DENND2A: variants seen among roughly 807,000 people sequenced by gnomAD.
DENND2A encodes DENN domain-containing protein 2A.
In DENND2A, 53 loss-of-function variants were observed where a neutral mutation model predicts 105.3. The ratio of observed to expected loss-of-function variants is 0.50; its 90% confidence interval spans 0.40 to 0.63. DENND2A has a LOEUF of 0.63. Ranked by LOEUF, DENND2A falls within the 30% of genes least tolerant of loss-of-function variation. The probability of loss-of-function intolerance (pLI) is 0.00; values close to 1 mark genes in which losing one functional copy is unlikely to be tolerated. For missense variants in DENND2A, 1,138 were observed against 1,279.6 expected (o/e 0.89, Z 1.69); for synonymous variants, 522 against 508.4 (o/e 1.03, Z -0.36).
chr7:140,627,932 C>T (rs1338553936), intron 1 of DENND2A, among the ~76,000 whole-genome samples: 1 of 151,960 alleles, frequency 6.6e-6, no homozygotes, highest in Non-Finnish European at 1.5e-5. Flanking sequence ...GCTGGAACTA[C>T]AGGCGTGTAC....
chr7:140,534,328 C>T lies in DENND2A; in HGVS notation c.2328-6833G>A, dbSNP rs566234826. On this transcript the variant is annotated intron_variant, in intron 14 of 19. Transcript: ENST00000496613. ...TCTAACTCTTGACCTCATGATCTGCCCACCTTGGCCTCCCAAAGTGCTGGG... is the reference window on the plus strand; with the variant it reads ...TCTAACTCTTGACCTCATGATCTGCTCACCTTGGCCTCCCAAAGTGCTGGG... 4.6e-5 allele frequency among the ~76,000 whole-genome samples: 7 copies of T among 152,090 alleles called. No homozygotes were observed. In the South Asian group the frequency reaches 1.0e-3, roughly 23 times the overall value.
intron 3 of DENND2A, among the ~76,000 whole-genome samples, chr7:140,599,525 T>G (rs1799404512): frequency 6.6e-6 from 1 of 152,030 alleles, no homozygotes; most frequent in Non-Finnish European, 1.5e-5. Flanking sequence ...TGTGAAGTGG[T>G]TACTATAATA....
At chr7:140,613,670 T>TAAAAAAA (rs1019747103) in intron 1 of DENND2A, among the ~76,000 whole-genome samples, 3 of 117,106 alleles carry the variant, frequency 2.6e-5, no homozygotes, top group African/African-American at 1.1e-4. Flanking sequence ...CCCTTAAAAT[T>TAAAAAAA]AAAAAAAAAA....
chr7:140,549,627 A>G (rs1449379771), intron 12 of DENND2A, among the ~76,000 whole-genome samples: 1 of 152,236 alleles, frequency 6.6e-6, no homozygotes, highest in African/African-American at 2.4e-5. Context: ...AAATAAAATA[A>G]TATTTTGTAC....
At chr7:140,530,490 G>A (rs1265825113) in intron 14 of DENND2A, among the ~76,000 whole-genome samples, 1 of 151,900 alleles carries the variant, frequency 6.6e-6, no homozygotes, top group African/African-American at 2.4e-5. Flanking sequence ...TCCATGCATC[G>A]CACTGATATT....
rs58041326 is a variant in DENND2A, at chr7:140,581,310, A to G, written c.1245+4279T>C. ...TGGGTGATGCGTAGCAAGAAAAGAA[A>G]ACAGTCCCTTTCAGGAGCTTGCAGT... On this transcript the variant is annotated intron_variant, in intron 5 of 19. Transcript: ENST00000496613. 5.8e-4 allele frequency among the ~76,000 whole-genome samples: 88 copies of G among 152,274 alleles called. 1 individual carries two copies. The East Asian group carries it at 0.016, about 27-fold the overall frequency.
intron 9 of DENND2A, among the ~76,000 whole-genome samples, chr7:140,566,710 G>A (rs1246966272): frequency 2.2e-5 from 2 of 89,644 alleles, no homozygotes; most frequent in Non-Finnish European, 4.4e-5. Context: ...TTTTTGAGAC[G>A]GAGTTTTGCT....
At chr7:140,530,234 A>C (rs543233142) in intron 14 of DENND2A, among the ~76,000 whole-genome samples, 1 of 152,262 alleles carries the variant, frequency 6.6e-6, no homozygotes, top group African/African-American at 2.4e-5. Flanking sequence ...AACAACAACA[A>C]AATCATCATT....
intron 13 of DENND2A, 105 bp downstream of exon 13, chr7:140,546,694 C>G: frequency 7.0e-7 from 1 of 1,430,288 alleles, no homozygotes; most frequent in Non-Finnish European, 9.5e-7. Flanking sequence ...GGAGAAGACA[C>G]CAAGGAATTG....
At chr7:140,533,858 T>C (rs1443257635) in intron 14 of DENND2A, among the ~76,000 whole-genome samples, 7 of 152,132 alleles carry the variant, frequency 4.6e-5, no homozygotes, top group Non-Finnish European at 1.0e-4. Flanking sequence ...CTGGAGACAA[T>C]ACGGCAACAA....
chr7:140,553,253 T>A (rs757595665), intron 12 of DENND2A, among the ~76,000 whole-genome samples: 3 of 151,994 alleles, frequency 2.0e-5, no homozygotes, highest in Non-Finnish European at 4.4e-5. Flanking sequence ...TGAACAAAGG[T>A]CTTTGCATCA....
Position 140,617,014 on chromosome 7 carries a change from C to G in DENND2A, c.-247-11208G>C, listed in dbSNP as rs116616871. ...CTGGGACTCCTGGCGTGTGCCACCA[C>G]GCCCAGCTGAATTTTGTAGTTTTAG... On this transcript the variant is annotated intron_variant, in intron 1 of 19. Transcript: ENST00000496613. Among the ~76,000 whole-genome samples the G allele has an allele frequency of 3.8e-3, 585 of 152,328 alleles. 4 individuals carry two copies. Among genetic ancestry groups the G allele is most frequent in the African/African-American group, 0.014 (564 of 41,580 alleles).
At chr7:140,564,677 A>C (rs1269872470) in intron 9 of DENND2A, among the ~76,000 whole-genome samples, 3 of 152,210 alleles carry the variant, frequency 2.0e-5, no homozygotes, top group Non-Finnish European at 4.4e-5. Context: ...TCTAGAAAAA[A>C]AATTTAATGT....
chr7:140,637,586 C>T (rs1418613455), intron 1 of DENND2A, among the ~76,000 whole-genome samples: 4 of 152,172 alleles, frequency 2.6e-5, no homozygotes, highest in Admixed American at 6.5e-5. Flanking sequence ...TGAGTCCCAC[C>T]CTTTTCCTAC....
intron 3 of DENND2A, among the ~76,000 whole-genome samples, chr7:140,595,766 TA>T (rs957024730): frequency 2.4e-3 from 342 of 141,326 alleles, no homozygotes; most frequent in Middle Eastern, 7.2e-3. Flanking sequence ...AGACCCTGTT[TA>T]AAAAAAAAAA....
At position 140,527,934 on chromosome 7, in the gene DENND2A, A is replaced by C. The variant is rs1796124579; in HGVS notation, c.2328-439T>G. Among the ~76,000 whole-genome samples, 1 of 152,034 alleles carries C rather than the reference A, an allele frequency of 6.6e-6. No homozygotes were observed. Among genetic ancestry groups the C allele is most frequent in the South Asian group, 2.1e-4 (1 of 4,822 alleles). ...ACTGCAACCTCTGCCTCCCAGGTTCAGGTTCAAGCAATTCTCCCACCTCGG... is the reference window on the plus strand; with the variant it reads ...ACTGCAACCTCTGCCTCCCAGGTTCCGGTTCAAGCAATTCTCCCACCTCGG... On this transcript the variant is annotated intron_variant, in intron 14 of 19. Transcript: ENST00000496613. This position sits in a 1 kb window ranked among gnomAD's most constrained non-coding sequence, Gnocchi z 4.9.
chr7:140,569,145 A>C (rs116550758), intron 7 of DENND2A, among the ~76,000 whole-genome samples: 4,088 of 152,216 alleles, frequency 0.027, 175 homozygotes, highest in African/African-American at 0.093. Context: ...AGGCTGGTAT[A>C]AAACTTCTGA....
intron 1 of DENND2A, among the ~76,000 whole-genome samples, chr7:140,630,170 G>C (rs1303860898): frequency 6.6e-6 from 1 of 151,686 alleles, no homozygotes; most frequent in Non-Finnish European, 1.5e-5. Context: ...GAGTGCAGTG[G>C]CACCATCGCG....
chr7:140,583,318 A>G (rs983364660), intron 5 of DENND2A, among the ~76,000 whole-genome samples: 1 of 149,826 alleles, frequency 6.7e-6, no homozygotes, highest in African/African-American at 2.5e-5. Context: ...CAAACAAACA[A>G]ACAAACAAGC....
Sources: allele counts gnomAD v4.1 joint callset (sites outside exome capture counted in the v4.1 genomes callset), GRCh38; gene constraint gnomAD v4.1.1; non-coding constraint Gnocchi (gnomAD v3.1); transcripts MANE v1.5; gene names NCBI Gene and HGNC (gene_info 2026-07-23, HGNC 2026-07-21).